Variants in SLC14A2 observed in about 807,000 individuals in gnomAD.
SLC14A2 encodes solute carrier family 14 member 2, also known as urea transporter 2.
Under a neutral mutation model 104.6 loss-of-function variants are expected in SLC14A2, and 91 were observed. The ratio of observed to expected loss-of-function variants is 0.87; its 90% CI spans 0.73 to 1.04. The LOEUF is 1.04. Among genes scored for constraint, SLC14A2 ranks in the 50% least tolerant of loss-of-function variants. The pLI, the probability that SLC14A2 is intolerant of heterozygous loss-of-function variation, is 0.00. For synonymous variants in SLC14A2, 476 were observed against 466.4 expected (o/e 1.02, Z -0.27); for missense variants, 1,189 against 1,156.0 (o/e 1.03, Z -0.41).
At chr18:45,293,665 T>C (rs2084893026) in intron 1 of SLC14A2, among the ~76,000 whole-genome samples, 1 of 152,186 alleles carries the variant, frequency 6.6e-6, no homozygotes, top group Non-Finnish European at 1.5e-5. Flanking sequence ...GCAAGTTTGA[T>C]CTTTAAAGCG....
chr18:45,449,361 C>G (rs1287595342), intron 1 of SLC14A2, among the ~76,000 whole-genome samples: 1 of 152,234 alleles, frequency 6.6e-6, no homozygotes, highest in Non-Finnish European at 1.5e-5. Flanking sequence ...TCCACCTCCT[C>G]TCTGAAGCCT....
chr18:45,461,617 T>C (rs923321606), intron 1 of SLC14A2, among the ~76,000 whole-genome samples: 2 of 152,180 alleles, frequency 1.3e-5, no homozygotes, highest in Non-Finnish European at 2.9e-5. Flanking sequence ...AAAATCCATG[T>C]GCACAGTCAG....
chr18:45,189,865 AGGCAGTCCCATCCCTAG>A, the SLC14A2 span, among the ~76,000 whole-genome samples: 91 of 152,262 alleles, frequency 6.0e-4, no homozygotes, highest in African/African-American at 2.1e-3. Context: ...GTCAGTAGGC[AGGCAGTCCCATCCCTAG>A]GGCAGTCCCA....
At chr18:45,485,732 C>T (rs1344689600) in intron 2 of SLC14A2, among the ~76,000 whole-genome samples, 2 of 152,066 alleles carry the variant, frequency 1.3e-5, no homozygotes, top group Admixed American at 1.3e-4. Context: ...AATAATTTTC[C>T]AGTGACTTTT....
At chr18:45,442,969 T>A (rs904363747) in intron 1 of SLC14A2, among the ~76,000 whole-genome samples, 1 of 152,238 alleles carries the variant, frequency 6.6e-6, no homozygotes, top group African/African-American at 2.4e-5. Flanking sequence ...CTACACAATG[T>A]CAATATGTGG....
intron 1 of SLC14A2, among the ~76,000 whole-genome samples, chr18:45,442,791 G>A (rs2086701095): frequency 6.6e-6 from 1 of 152,142 alleles, no homozygotes; most frequent in Non-Finnish European, 1.5e-5. Flanking sequence ...TATCACTATT[G>A]TTATTGTTTG....
At chr18:45,192,292 A>T in the SLC14A2 span, among the ~76,000 whole-genome samples, 1 of 152,188 alleles carries the variant, frequency 6.6e-6, no homozygotes, top group African/African-American at 2.4e-5. Flanking sequence ...AACCACCTAT[A>T]CTTAAAGAAT....
In SLC14A2 at chr18:45,626,971, C is replaced by T. The variant is rs1167414958; in HGVS notation, c.345C>T (p.Ala115=). 8 of 1,610,720 alleles carry T rather than the reference C, an allele frequency of 5.0e-6. No homozygotes were observed. In the African/African-American group the frequency reaches 1.1e-4, roughly 21 times the overall value. ...YRIWLKDKHL[A]LQFIDWVLRG... ...TGTCTCTTTCAGACAAGCACCTTGC[C>T]CTCCAGTTCATAGACTGGGTCCTGA... Residue 115 remains alanine (A), a synonymous_variant, in exon 4 of 20, where the codon GCC becomes GCT. Coordinates refer to ENST00000255226, the MANE Select transcript of SLC14A2 (RefSeq NM_007163.4).
chr18:45,650,047 C>A (rs2045704143), intron 10 of SLC14A2, among the ~76,000 whole-genome samples: 1 of 152,156 alleles, frequency 6.6e-6, no homozygotes, highest in Admixed American at 6.5e-5. Context: ...TTTTCTGTTT[C>A]TGGAACTCCT....
chr18:45,359,748 G>A, intron 1 of SLC14A2, among the ~76,000 whole-genome samples: 1 of 152,172 alleles, frequency 6.6e-6, no homozygotes, highest in East Asian at 1.9e-4. Context: ...GCTGCTTCCA[G>A]CCCATTATGT....
At chr18:45,178,177 C>T in the SLC14A2 span, among the ~76,000 whole-genome samples, 6 of 152,204 alleles carry the variant, frequency 3.9e-5, no homozygotes, top group African/African-American at 1.4e-4. Flanking sequence ...ACATAAAACA[C>T]TTAAAGCAAT....
In SLC14A2 at chr18:45,623,499, CAAA is replaced by C. The variant is rs774005076; in HGVS notation, c.-34-1131_-34-1129del. ...TGGTATGGCCATTTGAGATAAGCCTCAAAGAAGAAGGGTTTCTGCCCAAGCAAG... is the reference window on the plus strand; with the variant it reads ...TGGTATGGCCATTTGAGATAAGCCTCGAAGAAGGGTTTCTGCCCAAGCAAG... On this transcript the variant is annotated intron_variant, in intron 1 of 19. Transcript: ENST00000255226. Among the ~76,000 whole-genome samples, 102 of 152,122 alleles carry C rather than the reference CAAA, an allele frequency of 6.7e-4. 1 individual carries two copies. Among genetic ancestry groups the C allele is most frequent in the Admixed American group, 2.6e-4 (4 of 15,280 alleles).
At chr18:45,589,871 T>C (rs2044622436) in intron 2 of SLC14A2, among the ~76,000 whole-genome samples, 1 of 152,084 alleles carries the variant, frequency 6.6e-6, no homozygotes, top group South Asian at 2.1e-4. Context: ...GAAGAAAGAA[T>C]GCAAAGAAAG....
chr18:45,169,507 A>G, the SLC14A2 span, among the ~76,000 whole-genome samples: 1 of 152,166 alleles, frequency 6.6e-6, no homozygotes, highest in Admixed American at 6.6e-5. Flanking sequence ...TTACCTCCAG[A>G]GATTTTGGAT....
At chr18:45,216,641 A>G (rs2084013463) in intron 1 of SLC14A2, among the ~76,000 whole-genome samples, 1 of 152,136 alleles carries the variant, frequency 6.6e-6, no homozygotes, top group Non-Finnish European at 1.5e-5. Context: ...GTACCGCTGC[A>G]TGCAATGCAC....
rs770026732 is a variant in SLC14A2 at position 45,644,001 on chromosome 18, G to T, written c.1192G>T (p.Gly398Cys). 1.2e-6 allele frequency: 2 copies of T among 1,614,034 alleles called. No individual in the cohort carries two copies. Among genetic ancestry groups the T allele is most frequent in the Non-Finnish European group, 1.7e-6 (2 of 1,179,904 alleles). Residue 398 changes from glycine to cysteine, a missense_variant, in exon 10 of 20, where the codon GGC becomes TGC. By Grantham distance (159) the Gly-to-Cys change is radical. Transcript: ENST00000255226. The part of the protein sequence containing the change: ...NIMSVVGVPP[G>C]TWAFCLATII... ...TTGTTTCCAGGTGGGCGTGCCACCA[G>T]GCACCTGGGCCTTCTGCCTTGCCAC...
At chr18:45,515,319 G>A (rs898446725) in intron 2 of SLC14A2, 1 of 152,220 alleles carries the variant, frequency 6.6e-6, no homozygotes, top group African/African-American at 2.4e-5. Context: ...TGATTATAGA[G>A]AGTGTAGACA....
At position 45,360,125 on chromosome 18, in the gene SLC14A2, G is replaced by T. The variant is rs2085595772; in HGVS notation, c.-124-123108G>T. Among the ~76,000 whole-genome samples the T allele has an allele frequency of 2.0e-5, 3 of 152,140 alleles. No individual in the cohort carries two copies. In the South Asian group the frequency reaches 6.2e-4, roughly 31 times the overall value. On this transcript the variant is annotated intron_variant, in intron 1 of 20. Coordinates refer to the SLC14A2 transcript ENST00000586448. Reference sequence around the variant, plus strand: ...CTCCCTTCCCAGTAAAAGCTCCTCTGATTGGTTTTTTATTTCTCCAGATTC... The same window carrying T: ...CTCCCTTCCCAGTAAAAGCTCCTCTTATTGGTTTTTTATTTCTCCAGATTC...
the SLC14A2 span, among the ~76,000 whole-genome samples, chr18:45,196,013 G>C: frequency 6.6e-6 from 1 of 152,190 alleles, no homozygotes; most frequent in Non-Finnish European, 1.5e-5. Context: ...ACAGAAAAAG[G>C]AGACTGACAT....
Sources: allele counts gnomAD v4.1 joint callset (sites outside exome capture counted in the v4.1 genomes callset), GRCh38; gene constraint gnomAD v4.1.1; transcripts MANE v1.5; gene names NCBI Gene and HGNC (gene_info 2026-07-23, HGNC 2026-07-21).